Variants in NFATC1 observed in about 807,000 individuals in gnomAD.
NFATC1 encodes the protein nuclear factor of activated T cells 1.
A neutral mutation model predicts 76.0 loss-of-function variants in NFATC1; 22 were observed. The ratio of observed to expected loss-of-function variants is 0.29; its 90% CI spans 0.21 to 0.41. The LOEUF (loss-of-function observed/expected upper bound fraction) is 0.41. NFATC1 is among the 10% of genes least tolerant of loss of function. The probability of loss-of-function intolerance (pLI) is 1.00; values close to 1 mark genes in which losing one functional copy is unlikely to be tolerated. For synonymous variants in NFATC1, 704 were observed against 613.1 expected (o/e 1.15, Z -2.19); for missense variants, 1,357 against 1,337.7 (o/e 1.01, Z -0.23).
intron 2 of NFATC1, among the ~76,000 whole-genome samples, chr18:79,423,170 A>G (rs1442402872): frequency 2.0e-5 from 3 of 151,822 alleles, no homozygotes; most frequent in Admixed American, 6.6e-5. Flanking sequence ...TCCTGGTCGT[A>G]CTCCAATCCC....
intron 9 of NFATC1, among the ~76,000 whole-genome samples, chr18:79,518,859 C>T (rs192949529): frequency 1.3e-5 from 2 of 152,364 alleles, no homozygotes; most frequent in African/African-American, 4.8e-5. Flanking sequence ...CCAGTGCCCA[C>T]GGTGCAGGCA....
At chr18:79,451,926 T>TA in intron 6 of NFATC1, 110 bp downstream of exon 6, 3 of 1,375,276 alleles carry the variant, frequency 2.2e-6, no homozygotes. Flanking sequence ...GGACGGGGCT[T>TA]ATGGGGTGTG....
At chr18:79,458,199 C>G (rs2087840275) in intron 6 of NFATC1, among the ~76,000 whole-genome samples, 2 of 152,214 alleles carry the variant, frequency 1.3e-5, no homozygotes, top group South Asian at 2.1e-4. Flanking sequence ...CTCTGGGAGC[C>G]AGGCTGGGAC....
intron 8 of NFATC1, among the ~76,000 whole-genome samples, chr18:79,481,025 G>T (rs2089253585): frequency 6.6e-6 from 1 of 152,244 alleles, no homozygotes; most frequent in Non-Finnish European, 1.5e-5. Context: ...CTTCTGAGCG[G>T]GAGAGATGTG....
chr18:79,427,002 G>A (rs913459926), intron 2 of NFATC1, among the ~76,000 whole-genome samples: 2 of 152,244 alleles, frequency 1.3e-5, no homozygotes, highest in African/African-American at 4.8e-5. Flanking sequence ...GGAATGGTGG[G>A]GGCTCCATGT....
At position 79,451,042 on chromosome 18, in the gene NFATC1, G is replaced by C. The variant is rs781225456; in HGVS notation, c.1678G>C (p.Val560Leu). The C allele has an allele frequency of 6.2e-7, 1 of 1,613,588 alleles. No individual in the cohort carries two copies. The highest frequency in any genetic ancestry group is 8.5e-7 in the Non-Finnish European group (1 of 1,180,006). ...GGACATCGGGAGGAAGAACACACGGGTACGGCTGGTGTTCCGCGTTCACGT... is the reference window on the plus strand; with the variant it reads ...GGACATCGGGAGGAAGAACACACGGCTACGGCTGGTGTTCCGCGTTCACGT... ...ETDIGRKNTR[V>L]RLVFRVHVPQ... The change falls in exon 5 of 10, where the codon GTA (valine) becomes CTA (leucine). Residue 560 changes from valine (V) to leucine (L), a missense_variant. Val to Leu is a conservative substitution (Grantham distance 32). Around this residue, in one of 3 missense-constraint regions of NFATC1, gnomAD observed 242 missense variants for 329.2 expected, o/e 0.74. Coordinates refer to ENST00000427363, the MANE Select transcript of NFATC1 (RefSeq NM_001278669.2).
intron 6 of NFATC1, among the ~76,000 whole-genome samples, chr18:79,454,102 C>T (rs996810182): frequency 6.6e-6 from 1 of 152,170 alleles, no homozygotes; most frequent in Non-Finnish European, 1.5e-5. Context: ...GAACCAGGGC[C>T]GGGTGTGAGC....
At chr18:79,396,506 C>G (rs1397017807) in intron 1 of NFATC1, among the ~76,000 whole-genome samples, 155 bp downstream of exon 1, 1 of 151,922 alleles carries the variant, frequency 6.6e-6, no homozygotes, top group Non-Finnish European at 1.5e-5. Flanking sequence ...CGGCGCGGAC[C>G]GGGAACGGCG....
intron 2 of NFATC1, among the ~76,000 whole-genome samples, chr18:79,431,860 G>C (rs549598911): frequency 1.3e-5 from 2 of 152,226 alleles, no homozygotes; most frequent in South Asian, 4.1e-4. Flanking sequence ...CCGCCACCAC[G>C]CCCGGCTAAT....
At chr18:79,487,424 C>T (rs774810393) in intron 9 of NFATC1, among the ~76,000 whole-genome samples, 39 of 152,214 alleles carry the variant, frequency 2.6e-4, no homozygotes, top group Admixed American at 1.7e-3. Flanking sequence ...CATCTAAATG[C>T]AGTGGCGGCC....
intron 2 of NFATC1, among the ~76,000 whole-genome samples, chr18:79,425,287 T>G (rs75586978): frequency 0.38 from 44,397 of 115,614 alleles, 12,196 homozygotes; most frequent in African/African-American, 0.59. Context: ...CTGTCTGTCT[T>G]TCTTTCTTAC....
intron 1 of NFATC1, chr18:79,402,479 A>C: frequency 1.2e-6 from 1 of 821,694 alleles, no homozygotes; most frequent in Non-Finnish European, 1.5e-6. Context: ...CCTCGCAGGC[A>C]CCCTGGGCCC....
chr18:79,469,610 C>T lies in NFATC1; in HGVS notation c.2092+2028C>T. On this transcript the variant is annotated intron_variant, in intron 8 of 9. Transcript: ENST00000427363. ...GTGCCCAGCGTGGACATCTCTCCTG[C>T]ACCCCCTGCCCAGTGTCTCGGCTGC... 2.0e-6 allele frequency: 2 copies of T among 986,068 alleles called. 1 individual carries two copies. Among genetic ancestry groups the T allele is most frequent in the South Asian group, 9.4e-5 (2 of 21,302 alleles). The allele number at this position is 986,068 out of a possible 1,614,324, so 61.1% of individuals were successfully genotyped here.
intron 1 of NFATC1, among the ~76,000 whole-genome samples, chr18:79,406,141 G>A (rs1438026319): frequency 6.6e-6 from 1 of 150,858 alleles, no homozygotes; most frequent in Non-Finnish European, 1.5e-5. Flanking sequence ...ATGGTGGGGA[G>A]GCCCCAAGAC....
intron 9 of NFATC1, among the ~76,000 whole-genome samples, chr18:79,503,672 T>C (rs2090059896): frequency 6.6e-6 from 1 of 152,190 alleles, no homozygotes; most frequent in South Asian, 2.1e-4. Context: ...CATTAGCCCC[T>C]ACCAAGGGGG....
chr18:79,398,234 C>T (rs564879078), intron 1 of NFATC1, among the ~76,000 whole-genome samples: 17 of 152,218 alleles, frequency 1.1e-4, no homozygotes, highest in Non-Finnish European at 2.1e-4. Context: ...AAGTAGCCAC[C>T]CAGTCAGAAG....
intron 9 of NFATC1, among the ~76,000 whole-genome samples, chr18:79,521,138 CTG>C (rs760452230): frequency 4.0e-5 from 2 of 49,988 alleles, no homozygotes. Context: ...ATGTGTGTGT[CTG>C]TGTGTGTGTG....
At chr18:79,436,223 C>T (rs1028736074) in intron 3 of NFATC1, among the ~76,000 whole-genome samples, 3 of 152,254 alleles carry the variant, frequency 2.0e-5, no homozygotes, top group Admixed American at 6.5e-5. Context: ...AAACGAGGCT[C>T]ATCGCACTGG....
At chr18:79,413,351 G>A (rs1226298500) in intron 2 of NFATC1, among the ~76,000 whole-genome samples, 1 of 152,224 alleles carries the variant, frequency 6.6e-6, no homozygotes, top group Non-Finnish European at 1.5e-5. Flanking sequence ...TTCTCGCGGG[G>A]TCCTGAGACT....
Sources: allele counts gnomAD v4.1 joint callset (sites outside exome capture counted in the v4.1 genomes callset), GRCh38; gene constraint gnomAD v4.1.1; regional missense constraint gnomAD v4.1.1; transcripts MANE v1.5; gene names NCBI Gene and HGNC (gene_info 2026-07-23, HGNC 2026-07-21).